Variants in ERAP1 observed in about 807,000 individuals in gnomAD.
The protein encoded by ERAP1 is endoplasmic reticulum aminopeptidase 1.
ERAP1 carries 86 observed loss-of-function variants against 103.7 expected under a neutral mutation model. That is an observed-to-expected ratio of 0.83 (90% CI 0.70 to 0.99). The LOEUF is 0.99. ERAP1 is among the 50% of genes least tolerant of loss of function. ERAP1 has a pLI of 0.00. For synonymous variants in ERAP1, 398 were observed against 402.4 expected, an observed-to-expected ratio of 0.99 and a Z score of 0.13; for missense variants, 1,009 against 1,128.4, an observed-to-expected ratio of 0.89 and a Z score of 1.52.
the ERAP1 span, among the ~76,000 whole-genome samples, chr5:96,916,272 C>T: frequency 6.6e-6 from 1 of 151,480 alleles, no homozygotes; most frequent in Non-Finnish European, 1.5e-5. Flanking sequence ...AAAAAAAGCC[C>T]CTGACTCTTA....
chr5:96,896,556 G>A, the ERAP1 span: 6 of 1,587,490 alleles, frequency 3.8e-6, no homozygotes, highest in Non-Finnish European at 5.2e-6. Flanking sequence ...GTGTAATAAT[G>A]ACTATAGAAT....
chr5:96,829,593 A>G, the ERAP1 span, among the ~76,000 whole-genome samples: 3 of 152,258 alleles, frequency 2.0e-5, no homozygotes, highest in African/African-American at 7.2e-5. Flanking sequence ...CTAGGCTAAC[A>G]TAACAATCAG....
At chr5:96,807,998 A>G (rs1778858057), upstream of ERAP1, 1 of 985,550 alleles carries the variant, frequency 1.0e-6, no homozygotes, top group Non-Finnish European at 1.2e-6. Flanking sequence ...CCCGAGCCCT[A>G]GCGGCAGGCG....
the ERAP1 span, among the ~76,000 whole-genome samples, chr5:96,895,542 C>T: frequency 1.3e-5 from 2 of 152,082 alleles, no homozygotes; most frequent in African/African-American, 4.8e-5. Context: ...TTTTAGAAAA[C>T]AATCAACATA....
At chr5:96,814,585 A>G in the ERAP1 span, among the ~76,000 whole-genome samples, 2 of 152,198 alleles carry the variant, frequency 1.3e-5, no homozygotes, top group Non-Finnish European at 2.9e-5. Context: ...AAATAGGAAT[A>G]TCTCCCAAAT....
At chr5:96,865,258 C>T in the ERAP1 span, among the ~76,000 whole-genome samples, 1 of 152,084 alleles carries the variant, frequency 6.6e-6, no homozygotes, top group Non-Finnish European at 1.5e-5. Flanking sequence ...AGACCTGCAA[C>T]TTATAGAAAA....
At chr5:96,765,051 C>T (rs1769365239) in intron 19 of ERAP1, among the ~76,000 whole-genome samples, 1 of 152,026 alleles carries the variant, frequency 6.6e-6, no homozygotes, top group Non-Finnish European at 1.5e-5. Flanking sequence ...CCTGATCTTC[C>T]ATTCCTAGGC....
chr5:96,867,195 C>T, the ERAP1 span, among the ~76,000 whole-genome samples: 289 of 151,856 alleles, frequency 1.9e-3, 1 homozygote, highest in African/African-American at 6.7e-3. Context: ...TTAATAGAGA[C>T]GGGGTTTCAT....
intron 5 of ERAP1, among the ~76,000 whole-genome samples, chr5:96,794,449 C>A (rs1339977215): frequency 2.0e-5 from 3 of 152,128 alleles, no homozygotes; most frequent in Non-Finnish European, 2.9e-5. Context: ...CTGGGCCTCC[C>A]AAAGTGCTGA....
chr5:96,810,252 G>A (rs1429958455), upstream of ERAP1, among the ~76,000 whole-genome samples: 5 of 152,226 alleles, frequency 3.3e-5, no homozygotes, highest in Non-Finnish European at 5.9e-5. Flanking sequence ...AGACCTTGGA[G>A]TAAGGACTTT....
At chr5:96,849,457 T>C in the ERAP1 span, among the ~76,000 whole-genome samples, 4 of 152,278 alleles carry the variant, frequency 2.6e-5, no homozygotes, top group Admixed American at 2.0e-4. Flanking sequence ...ATCACTAGCA[T>C]TTCCATACAC....
chr5:96,899,342 C>A, the ERAP1 span, among the ~76,000 whole-genome samples: 2 of 152,166 alleles, frequency 1.3e-5, no homozygotes, highest in Non-Finnish European at 2.9e-5. Context: ...TCTCTTCTGA[C>A]ACCAAAGGGC....
chr5:96,816,034 G>A, the ERAP1 span, among the ~76,000 whole-genome samples: 1 of 152,124 alleles, frequency 6.6e-6, no homozygotes, highest in Non-Finnish European at 1.5e-5. Context: ...TGTTGTACTA[G>A]GAACAAAGCA....
At chr5:96,810,533 A>C (rs725811), upstream of ERAP1, among the ~76,000 whole-genome samples, 2,501 of 152,308 alleles carry the variant, frequency 0.016, 62 homozygotes, top group African/African-American at 0.057. Context: ...ACACACACTA[A>C]TTCTACTCAC....
At chr5:96,889,447 A>G in the ERAP1 span, 1 of 923,642 alleles carries the variant, frequency 1.1e-6, no homozygotes, top group Non-Finnish European at 1.8e-6. Flanking sequence ...TTCCTCAGAG[A>G]TGATTCTTGA....
chr5:96,808,224 G>GTGTGTGTGTGTGTGTGTGTGTGTTGAGA (rs1778907598), upstream of ERAP1: 2 of 641,350 alleles, frequency 3.1e-6, no homozygotes, highest in African/African-American at 4.3e-5. Context: ...GTGTGTGTGT[G>GTGTGTGTGTGTGTGTGTGTGTGTTGAGA]TGTGTGTGTG....
the ERAP1 span, among the ~76,000 whole-genome samples, chr5:96,908,212 T>G: frequency 6.6e-6 from 1 of 152,292 alleles, no homozygotes; most frequent in East Asian, 1.9e-4. Flanking sequence ...GGGAGTTGGG[T>G]GTTCACAAGA....
upstream of ERAP1, among the ~76,000 whole-genome samples, chr5:96,812,060 C>G (rs1183194326): frequency 6.6e-6 from 1 of 152,212 alleles, no homozygotes; most frequent in Admixed American, 6.5e-5. Context: ...TCTTTCATCA[C>G]TAATGAGACT....
At chr5:96,882,179 A>G in the ERAP1 span, among the ~76,000 whole-genome samples, 1 of 152,202 alleles carries the variant, frequency 6.6e-6, no homozygotes, top group East Asian at 1.9e-4. Flanking sequence ...ACAGTATTGG[A>G]TAGGAAAAGT....
Sources: gnomAD v4.1 joint callset for allele counts (sites outside exome capture counted in the v4.1 genomes callset) on GRCh38, gnomAD v4.1.1 for gene constraint, MANE v1.5 for transcripts, NCBI Gene and HGNC (gene_info 2026-07-23, HGNC 2026-07-21) for gene names.